PBX1: variants seen among roughly 807,000 people sequenced by gnomAD.
PBX1 encodes pre-B-cell leukemia transcription factor 1.
Under a neutral mutation model 53.4 loss-of-function variants are expected in PBX1, and 6 were observed. That is an observed-to-expected ratio of 0.11 (90% CI 0.06 to 0.22). The LOEUF (loss-of-function observed/expected upper bound fraction) is 0.22. Among genes scored for constraint, PBX1 ranks in the 10% least tolerant of loss-of-function variants. The pLI is 1.00. For synonymous variants in PBX1, 204 were observed against 212.3 expected, an observed-to-expected ratio of 0.96 and a Z score of 0.34; for missense variants, 251 against 551.4, an observed-to-expected ratio of 0.46 and a Z score of 5.46.
chr1:164,658,961 A>T (rs1660328828), intron 2 of PBX1, among the ~76,000 whole-genome samples: 1 of 152,080 alleles, frequency 6.6e-6, no homozygotes. Context: ...TTGATCTCAG[A>T]CTCCATGATT....
rs551145950 is a variant in PBX1 at position 164,799,620 on chromosome 1, A to G, written c.511-79A>G. The G allele has an allele frequency of 1.8e-4, 232 of 1,292,112 alleles. 4 individuals are homozygous for G. The South Asian group carries it at 3.8e-3, about 21-fold the overall frequency. 80.0% of individuals were successfully genotyped at this position (1,292,112 alleles called of 1,614,324 possible). ...TTTGCACAAGTCTCTAGAAAAGCCC[A>G]CGTGGCCTAATGTCATAGACTTGAT... On this transcript the variant is annotated intron_variant, in intron 3 of 8. Coordinates refer to ENST00000420696, the MANE Select transcript of PBX1 (RefSeq NM_002585.4).
rs974291867 is a variant in PBX1, at chr1:164,766,718, TTTTA to T, written c.266-25756_266-25753del. 1.8e-3 allele frequency among the ~76,000 whole-genome samples: 266 copies of T among 147,242 alleles called. 2 individuals are homozygous for T. Among genetic ancestry groups the T allele is most frequent in the Middle Eastern group, 0.01 (3 of 286 alleles). ...AGAAATTTTCTTTTCTTTCCTTTTC[TTTTA>T]TTTATTTATTTATTTATTTTTTTTT... On this transcript the variant is annotated intron_variant, in intron 2 of 8. Transcript: ENST00000420696.
intron 2 of PBX1, among the ~76,000 whole-genome samples, chr1:164,588,770 G>A (rs1557876623): frequency 1.3e-5 from 2 of 152,180 alleles, no homozygotes; most frequent in African/African-American, 4.8e-5. Flanking sequence ...GGGCCCAACA[G>A]CCTTGTTTGA....
chr1:164,604,845 C>T (rs1474654901), intron 2 of PBX1, among the ~76,000 whole-genome samples: 1 of 151,882 alleles, frequency 6.6e-6, no homozygotes, highest in Non-Finnish European at 1.5e-5. Flanking sequence ...AAATACTGTG[C>T]TTTTAGACAA....
At chr1:164,804,982 CT>C (rs1194373528) in intron 4 of PBX1, among the ~76,000 whole-genome samples, 2 of 152,144 alleles carry the variant, frequency 1.3e-5, no homozygotes, top group Non-Finnish European at 2.9e-5. Context: ...GCCAATGGCT[CT>C]TAGCAGAGGT....
intron 2 of PBX1, among the ~76,000 whole-genome samples, chr1:164,699,666 T>C (rs1176464349): frequency 1.3e-5 from 2 of 152,154 alleles, no homozygotes; most frequent in African/African-American, 4.8e-5. Flanking sequence ...ATCACTTCTT[T>C]GTCTAAAAGG....
intron 2 of PBX1, among the ~76,000 whole-genome samples, chr1:164,627,943 A>G (rs1045670695): frequency 3.3e-5 from 5 of 152,150 alleles, no homozygotes; most frequent in Non-Finnish European, 7.3e-5. Flanking sequence ...TAGCAACTGG[A>G]AATTATAGTG....
intron 2 of PBX1, among the ~76,000 whole-genome samples, chr1:164,639,162 G>A (rs995498404): frequency 6.6e-6 from 1 of 152,204 alleles, no homozygotes; most frequent in South Asian, 2.1e-4. Flanking sequence ...AAGGTTAAAA[G>A]AGGCGCTAGT....
At chr1:164,656,505 T>A (rs1173555045) in intron 2 of PBX1, among the ~76,000 whole-genome samples, 2 of 152,204 alleles carry the variant, frequency 1.3e-5, no homozygotes, top group Non-Finnish European at 2.9e-5. Flanking sequence ...CTGATATTGC[T>A]GAATAGTTTC....
intron 2 of PBX1, among the ~76,000 whole-genome samples, chr1:164,565,059 A>G (rs1402279047): frequency 6.6e-6 from 1 of 152,162 alleles, no homozygotes; most frequent in African/African-American, 2.4e-5. Flanking sequence ...CTGTCAGGGC[A>G]CTTAAATGTA....
At chr1:164,680,415 G>A (rs1375768069) in intron 2 of PBX1, 1 of 152,082 alleles carries the variant, frequency 6.6e-6, no homozygotes, top group African/African-American at 2.4e-5. Flanking sequence ...GATTCAGTGG[G>A]TACACATACA....
At chr1:164,647,695 TA>T (rs1406449099) in intron 2 of PBX1, among the ~76,000 whole-genome samples, 6 of 152,266 alleles carry the variant, frequency 3.9e-5, no homozygotes, top group Admixed American at 3.9e-4. Flanking sequence ...GGCTGAACAT[TA>T]AAATCACCTG....
At chr1:164,823,046 C>A (rs1473856851) in intron 8 of PBX1, among the ~76,000 whole-genome samples, 3 of 152,166 alleles carry the variant, frequency 2.0e-5, no homozygotes, top group African/African-American at 7.2e-5. Context: ...CTTTTTCAGG[C>A]AGAATCTCCT....
chr1:164,871,178 A>T (rs1275139339), intron 2 of PBX1, among the ~76,000 whole-genome samples: 1 of 152,230 alleles, frequency 6.6e-6, no homozygotes, highest in Non-Finnish European at 1.5e-5. Context: ...ATGTACTCAT[A>T]GGATTCACCT....
At chr1:164,653,486 T>C (rs1571155509) in intron 2 of PBX1, among the ~76,000 whole-genome samples, 1 of 151,662 alleles carries the variant, frequency 6.6e-6, no homozygotes, top group African/African-American at 2.4e-5. Context: ...GAGGGATGAG[T>C]GAGGGGCTGA....
rs145105159 is a variant in PBX1, at chr1:164,631,831, G to A, written c.265+68520G>A. On this transcript the variant is annotated intron_variant, in intron 2 of 8. Coordinates refer to ENST00000420696, the MANE Select transcript of PBX1 (RefSeq NM_002585.4). ...ATTGGAACTGATTTGGGCCATATTC[G>A]ACTATTTTCATATTAAGAAACATTA... is the stretch of plus-strand genomic sequence containing the variant. 1.0e-3 allele frequency among the ~76,000 whole-genome samples: 158 copies of A among 152,262 alleles called. 1 individual carries two copies. The highest frequency in any genetic ancestry group is 3.7e-3 in the African/African-American group (155 of 41,542).
At chr1:164,711,362 C>G (rs184344963) in intron 2 of PBX1, among the ~76,000 whole-genome samples, 1 of 152,176 alleles carries the variant, frequency 6.6e-6, no homozygotes, top group East Asian at 1.9e-4. Flanking sequence ...CTTCCAAGTT[C>G]ACGCCATTCT....
rs77947961 is a variant in PBX1 at position 164,750,359 on chromosome 1, C to T, written c.266-42135C>T. 5.9e-3 allele frequency among the ~76,000 whole-genome samples: 894 copies of T among 152,150 alleles called. 9 individuals carry two copies. The highest frequency in any genetic ancestry group is 0.021 in the African/African-American group (856 of 41,488). ...AACTATATCATTTATGATTCTGATA[C>T]GGCTACTGTCAAAATAACACAGTAT... On this transcript the variant is annotated intron_variant, in intron 2 of 8. Coordinates refer to ENST00000420696, the MANE Select transcript of PBX1 (RefSeq NM_002585.4).
intron 4 of PBX1, 152 bp from the exon 5 acceptor site, chr1:164,807,390 T>C: frequency 1.3e-6 from 1 of 795,972 alleles, no homozygotes. Context: ...CTTTTAGCGT[T>C]GGTTTTGGCA....
Sources: allele counts gnomAD v4.1 joint callset (sites outside exome capture counted in the v4.1 genomes callset), GRCh38; gene constraint gnomAD v4.1.1; transcripts MANE v1.5; gene names NCBI Gene and HGNC (gene_info 2026-07-23, HGNC 2026-07-21).